Variants in ANKS1A observed in about 807,000 individuals in gnomAD.
The protein encoded by ANKS1A is ankyrin repeat and SAM domain-containing protein 1A.
ANKS1A carries 55 observed loss-of-function variants against 120.3 expected under a neutral mutation model. The observed-to-expected ratio is 0.46, with a 90% CI of 0.37 to 0.57. The LOEUF (loss-of-function observed/expected upper bound fraction) is 0.57, where lower values mean the gene tolerates loss of function less well. ANKS1A is among the 20% of genes least tolerant of loss of function. The pLI is 0.00. For synonymous variants in ANKS1A, 590 were observed against 604.7 expected (o/e 0.98, Z 0.36); for missense variants, 1,123 against 1,480.3 (o/e 0.76, Z 3.96).
chr6:35,088,113 T>TA (rs1672029727), intron 23 of ANKS1A, among the ~76,000 whole-genome samples: 1 of 152,194 alleles, frequency 6.6e-6, no homozygotes, highest in Non-Finnish European at 1.5e-5. Context: ...GGATCACAGA[T>TA]AGACAGCGCC....
Position 35,026,366 on chromosome 6 carries a change from C to T in ANKS1A, c.2010+8307C>T, listed in dbSNP as rs62402707. Among the ~76,000 whole-genome samples, 831 of 152,282 alleles carry T rather than the reference C, an allele frequency of 5.5e-3. 5 individuals carry two copies. Among genetic ancestry groups the T allele is most frequent in the South Asian group, 0.015 (73 of 4,826 alleles). On this transcript the variant is annotated intron_variant, in intron 11 of 23. Transcript: ENST00000360359. Reference sequence around the variant, plus strand: ...CACGTTCAGCTAATTTGTTGAGCACCTGCTCTGTTCCAGGTAGGCTGTAAG... The same window carrying T: ...CACGTTCAGCTAATTTGTTGAGCACTTGCTCTGTTCCAGGTAGGCTGTAAG...
intron 13 of ANKS1A, among the ~76,000 whole-genome samples, chr6:35,075,837 C>T (rs914889179): frequency 6.6e-6 from 1 of 152,220 alleles, no homozygotes; most frequent in Non-Finnish European, 1.5e-5. Flanking sequence ...TCATGGCTCT[C>T]TGTAGCCTTA....
At chr6:34,974,835 TG>T (rs1474951869) in intron 3 of ANKS1A, among the ~76,000 whole-genome samples, 2 of 152,206 alleles carry the variant, frequency 1.3e-5, no homozygotes, top group Non-Finnish European at 2.9e-5. Context: ...GTGTATGTAA[TG>T]TATTTCTGCA....
At chr6:34,968,421 G>T (rs1771001712) in intron 2 of ANKS1A, among the ~76,000 whole-genome samples, 2 of 152,074 alleles carry the variant, frequency 1.3e-5, no homozygotes, top group South Asian at 2.1e-4. Context: ...ATAAGTAGCA[G>T]CAGTGTCGTT....
chr6:35,087,556 C>T (rs192617440), intron 23 of ANKS1A, among the ~76,000 whole-genome samples: 78 of 152,332 alleles, frequency 5.1e-4, no homozygotes, highest in Non-Finnish European at 9.3e-4. Flanking sequence ...ACCACTGTGA[C>T]CACCCAGTGC....
At chr6:34,979,448 T>C (rs1771784493) in intron 3 of ANKS1A, among the ~76,000 whole-genome samples, 1 of 152,236 alleles carries the variant, frequency 6.6e-6, no homozygotes, top group South Asian at 2.1e-4. Flanking sequence ...AGTGTAACTT[T>C]CTGCAGAGAT....
chr6:34,985,886 T>G (rs942315680), intron 8 of ANKS1A, among the ~76,000 whole-genome samples: 2 of 152,254 alleles, frequency 1.3e-5, no homozygotes, highest in Non-Finnish European at 2.9e-5. Context: ...AAGGTCCATT[T>G]TCTCATCTTT....
intron 10 of ANKS1A, among the ~76,000 whole-genome samples, chr6:34,997,317 C>G (rs1047208467): frequency 2.2e-4 from 33 of 151,818 alleles, no homozygotes; most frequent in Non-Finnish European, 4.4e-4. Flanking sequence ...CTGCCTCAGC[C>G]TCTCATGTAG....
chr6:35,078,519 A>G lies in ANKS1A; in HGVS notation c.2185-39A>G, dbSNP rs763893170. On this transcript the variant is annotated intron_variant, in intron 13 of 23. Transcript: ENST00000360359. ...ACCCCCTCAGGGCCACCAGCCATCC[A>G]TCCAGGAGGGGCCCTGACATCCACC... 44 of 1,594,142 alleles carry G rather than the reference A, an allele frequency of 2.8e-5. No homozygotes were observed. In the South Asian group the frequency reaches 4.7e-4, roughly 17 times the overall value.
chr6:34,967,522 C>CAAAAAAAAAA (rs10559753), intron 2 of ANKS1A, among the ~76,000 whole-genome samples: 2 of 96,732 alleles, frequency 2.1e-5, no homozygotes, highest in Non-Finnish European at 5.2e-5. Context: ...TCCATCTCCA[C>CAAAAAAAAAA]AAAAAAAAAA....
At chr6:34,998,839 C>G (rs1772993375) in intron 10 of ANKS1A, among the ~76,000 whole-genome samples, 2 of 152,216 alleles carry the variant, frequency 1.3e-5, no homozygotes, top group Admixed American at 6.5e-5. Flanking sequence ...TGCTACATTT[C>G]TTGGTTCCCT....
chr6:34,960,421 C>G (rs1770576181), intron 1 of ANKS1A, among the ~76,000 whole-genome samples: 1 of 152,032 alleles, frequency 6.6e-6, no homozygotes, highest in Non-Finnish European at 1.5e-5. Context: ...CCATCTGCAT[C>G]TCCAGCCCCT....
chr6:34,913,418 C>T (rs1767995563), intron 1 of ANKS1A, among the ~76,000 whole-genome samples: 1 of 152,030 alleles, frequency 6.6e-6, no homozygotes, highest in South Asian at 2.1e-4. Flanking sequence ...CCTTGACTTC[C>T]CAGGCTCAAG....
chr6:34,904,704 C>G (rs1189692410), intron 1 of ANKS1A, among the ~76,000 whole-genome samples: 1 of 152,126 alleles, frequency 6.6e-6, no homozygotes, highest in East Asian at 1.9e-4. Flanking sequence ...TGCACTCCAC[C>G]CTGGTGACAG....
At chr6:35,072,613 T>C (rs532181439) in intron 13 of ANKS1A, among the ~76,000 whole-genome samples, 37 of 152,310 alleles carry the variant, frequency 2.4e-4, no homozygotes, top group African/African-American at 8.7e-4. Flanking sequence ...CCTGACCCTG[T>C]TTCTCCCTTA....
At chr6:34,892,153 T>C (rs1355729696) in intron 1 of ANKS1A, among the ~76,000 whole-genome samples, 3 of 152,168 alleles carry the variant, frequency 2.0e-5, no homozygotes, top group African/African-American at 7.2e-5. Context: ...TCTGTGTCTT[T>C]TGTAGAGAGG....
intron 11 of ANKS1A, among the ~76,000 whole-genome samples, chr6:35,026,572 G>C (rs1304735274): frequency 6.6e-6 from 1 of 152,136 alleles, no homozygotes; most frequent in African/African-American, 2.4e-5. Flanking sequence ...TAGAGGGTGC[G>C]GTGGGAGGAT....
At chr6:35,070,342 C>G (rs1050060906) in intron 13 of ANKS1A, among the ~76,000 whole-genome samples, 5 of 152,044 alleles carry the variant, frequency 3.3e-5, no homozygotes, top group African/African-American at 9.7e-5. Context: ...AGGTCTTTTT[C>G]CGATCCTGAA....
chr6:35,005,659 GGA>G (rs1773409227), intron 10 of ANKS1A: 8 of 426,810 alleles, frequency 1.9e-5, no homozygotes, highest in Admixed American at 1.4e-4. Context: ...GAAACCAAAA[GGA>G]GAGACTTGAT....
Sources: gnomAD v4.1 joint callset for allele counts (sites outside exome capture counted in the v4.1 genomes callset) on GRCh38, gnomAD v4.1.1 for gene constraint, MANE v1.5 for transcripts, NCBI Gene and HGNC (gene_info 2026-07-23, HGNC 2026-07-21) for gene names.